PLCL1: variants seen among roughly 807,000 people sequenced by gnomAD.
PLCL1 encodes phospholipase C like 1 (inactive), also known as inactive phospholipase C-like protein 1.
In PLCL1, 41 loss-of-function variants were observed where a neutral mutation model predicts 84.4. The ratio of observed to expected loss-of-function variants is 0.49; its 90% CI spans 0.38 to 0.63. The LOEUF (loss-of-function observed/expected upper bound fraction) is 0.63. PLCL1 is among the 30% of genes least tolerant of loss of function. PLCL1 has a pLI of 0.00. For synonymous variants in PLCL1, 490 were observed against 488.3 expected (o/e 1.00, Z -0.05); for missense variants, 1,206 against 1,367.8 (o/e 0.88, Z 1.87).
intron 1 of PLCL1, among the ~76,000 whole-genome samples, chr2:197,896,286 CTT>C (rs1300922815): frequency 6.6e-6 from 1 of 151,892 alleles, no homozygotes; most frequent in Non-Finnish European, 1.5e-5. Flanking sequence ...TTTACAAACT[CTT>C]AGCTTAAAAA....
intron 1 of PLCL1, among the ~76,000 whole-genome samples, chr2:197,899,591 A>ACTAAGAAG (rs763729432): frequency 5.5e-4 from 84 of 151,466 alleles, no homozygotes; most frequent in Middle Eastern, 3.4e-3. Context: ...CCTTAACCAG[A>ACTAAGAAG]CTAAGAAGGA....
chr2:197,814,989 A>C (rs1485212810), intron 1 of PLCL1, among the ~76,000 whole-genome samples: 1 of 152,172 alleles, frequency 6.6e-6, no homozygotes, highest in Non-Finnish European at 1.5e-5. Flanking sequence ...ATAATGTAAA[A>C]TTGCAAGGTG....
chr2:197,894,967 C>T (rs1688105520), intron 1 of PLCL1, among the ~76,000 whole-genome samples: 1 of 151,992 alleles, frequency 6.6e-6, no homozygotes, highest in South Asian at 2.1e-4. Flanking sequence ...CTTTGTTTTC[C>T]ATACAACACC....
chr2:197,834,764 A>G (rs1691147387), intron 1 of PLCL1, among the ~76,000 whole-genome samples: 1 of 152,230 alleles, frequency 6.6e-6, no homozygotes, highest in East Asian at 1.9e-4. Context: ...ATCTAGAGCC[A>G]GAAATACCAT....
chr2:197,847,126 A>G (rs1301990948), intron 1 of PLCL1, among the ~76,000 whole-genome samples: 1 of 152,148 alleles, frequency 6.6e-6, no homozygotes, highest in Non-Finnish European at 1.5e-5. Context: ...CACTTGACGG[A>G]GGAGTGTTTA....
chr2:197,907,446 C>T (rs566081174), intron 1 of PLCL1, among the ~76,000 whole-genome samples: 1 of 152,062 alleles, frequency 6.6e-6, no homozygotes, highest in African/African-American at 2.4e-5. Context: ...ACATATTGGC[C>T]AGGCTGGTCT....
chr2:198,103,818 T>C lies in PLCL1; in HGVS notation c.2996-9T>C. On this transcript the variant is annotated splice_polypyrimidine_tract_variant and intron_variant, in intron 4 of 5. Coordinates refer to ENST00000428675, the MANE Select transcript of PLCL1 (RefSeq NM_006226.4). ...ATACTCAGATTTCTTATGCATTCTTTCTTCAAAGGGATGGAGTTCCATGAA... is the reference window on the plus strand; with the variant it reads ...ATACTCAGATTTCTTATGCATTCTTCCTTCAAAGGGATGGAGTTCCATGAA... The C allele has an allele frequency of 6.7e-7, 1 of 1,503,278 alleles. No individual in the cohort carries two copies. Among genetic ancestry groups the C allele is most frequent in the South Asian group, 1.2e-5 (1 of 83,882 alleles). The allele number at this position is 1,503,278 out of a possible 1,614,324, so 93.1% of individuals were successfully genotyped here.
chr2:198,044,403 CT>C (rs1467950213), intron 1 of PLCL1, among the ~76,000 whole-genome samples: 1 of 152,130 alleles, frequency 6.6e-6, no homozygotes, highest in Non-Finnish European at 1.5e-5. Context: ...GCATGGTTTC[CT>C]AACTGGTGTT....
chr2:198,089,607 T>C (rs977774666), intron 3 of PLCL1, among the ~76,000 whole-genome samples: 25 of 152,302 alleles, frequency 1.6e-4, no homozygotes, highest in African/African-American at 5.5e-4. Flanking sequence ...TGGAATAGAA[T>C]AGATCATGTT....
At chr2:198,050,329 C>G (rs1220343184) in intron 1 of PLCL1, among the ~76,000 whole-genome samples, 1 of 151,908 alleles carries the variant, frequency 6.6e-6, no homozygotes, top group African/African-American at 2.4e-5. Flanking sequence ...AAAAGTAACT[C>G]TTCAATACCC....
chr2:197,814,328 C>T lies in PLCL1; in HGVS notation c.240+8989C>T, dbSNP rs887467563. ...TTTAACTTTTTCATTGTTATTATAT[C>T]TATTATGGTGATCTGTGATCAGTAA... On this transcript the variant is annotated intron_variant, in intron 1 of 5. Coordinates refer to ENST00000428675, the MANE Select transcript of PLCL1 (RefSeq NM_006226.4). Among the ~76,000 whole-genome samples, 9 of 152,178 alleles carry T rather than the reference C, an allele frequency of 5.9e-5. No homozygotes were observed. In the Middle Eastern group the frequency reaches 0.017, roughly 288 times the overall value.
chr2:197,948,491 C>A (rs1479399245), intron 1 of PLCL1, among the ~76,000 whole-genome samples: 2 of 151,932 alleles, frequency 1.3e-5, no homozygotes, highest in African/African-American at 2.4e-5. Context: ...TGTAAACTTT[C>A]CTGTAATGTG....
intron 1 of PLCL1, among the ~76,000 whole-genome samples, chr2:198,063,525 G>A (rs1032605688): frequency 1.1e-4 from 16 of 152,264 alleles, no homozygotes; most frequent in Middle Eastern, 3.4e-3. Flanking sequence ...TAATTTGAAT[G>A]CTTTGTCTGA....
intron 1 of PLCL1, among the ~76,000 whole-genome samples, chr2:197,892,507 T>A (rs1399453952): frequency 6.6e-6 from 1 of 152,208 alleles, no homozygotes; most frequent in Non-Finnish European, 1.5e-5. Context: ...AGTGTTTATT[T>A]GAATGTTAGA....
At chr2:197,946,835 C>A (rs1486191980) in intron 1 of PLCL1, among the ~76,000 whole-genome samples, 1 of 152,170 alleles carries the variant, frequency 6.6e-6, no homozygotes, top group Non-Finnish European at 1.5e-5. Context: ...ATTTAAAAAG[C>A]CTCTCTTCTG....
chr2:198,125,960 A>G (rs917942965), intron 5 of PLCL1, among the ~76,000 whole-genome samples: 26 of 152,168 alleles, frequency 1.7e-4, no homozygotes, highest in Non-Finnish European at 3.4e-4. Flanking sequence ...CAGATACATG[A>G]AGTGTTCAAA....
chr2:198,041,403 T>G (rs1198570879), intron 1 of PLCL1, among the ~76,000 whole-genome samples: 1 of 151,812 alleles, frequency 6.6e-6, no homozygotes, highest in Non-Finnish European at 1.5e-5. Flanking sequence ...ACAGTGTTTT[T>G]TTTGTTTGTT....
chr2:198,030,354 T>G (rs73058878), intron 1 of PLCL1, among the ~76,000 whole-genome samples: 30,845 of 152,004 alleles, frequency 0.2, 3,229 homozygotes, highest in East Asian at 0.26. Flanking sequence ...AGGGGGTGGG[T>G]AACACTGCCC....
intron 1 of PLCL1, among the ~76,000 whole-genome samples, chr2:198,056,964 T>C (rs1360286926): frequency 6.6e-6 from 1 of 152,202 alleles, no homozygotes. Flanking sequence ...TAGGGTTTTA[T>C]GCTTGAGGAT....
Sources: gnomAD v4.1 joint callset for allele counts (sites outside exome capture counted in the v4.1 genomes callset) on GRCh38, gnomAD v4.1.1 for gene constraint, MANE v1.5 for transcripts, NCBI Gene and HGNC (gene_info 2026-07-23, HGNC 2026-07-21) for gene names.